Variants in RBP5 observed in about 807,000 individuals in gnomAD.
RBP5 encodes the protein retinol-binding protein 5.
RBP5 carries 12 observed loss-of-function variants against 17.8 expected under a neutral mutation model. That is an observed-to-expected ratio of 0.67 (90% CI 0.43 to 1.09). The LOEUF is 1.09. Ranked by LOEUF, RBP5 falls within the 50% of genes least tolerant of loss-of-function variation. The probability of loss-of-function intolerance (pLI) is 0.00; values close to 1 mark genes in which losing one functional copy is unlikely to be tolerated. For missense variants in RBP5, 172 were observed against 169.4 expected (o/e 1.02, Z -0.09); for synonymous variants, 64 against 68.1 (o/e 0.94, Z 0.30).
chr12:7,122,104 GT>G (rs1939089867), downstream of RBP5: 1 of 502 alleles, frequency 2.0e-3, no homozygotes, highest in African/African-American at 7.7e-3. Context: ...GTGTGTGTAT[GT>G]GTGTGTGTGT....
chr12:7,128,753 T>C lies in RBP5; in HGVS notation c.23A>G (p.Tyr8Cys). Residue 8 changes from tyrosine (Y) to cysteine (C), a missense_variant, in exon 1 of 4, where the codon TAC becomes TGC. Coordinates refer to ENST00000266560, the MANE Select transcript of RBP5 (RefSeq NM_031491.4). This position sits in a 1 kb window ranked among gnomAD's most constrained non-coding sequence, Gnocchi z 5.3. MPPNLTG[Y>C]YRFVSQKNME... is the part of the protein sequence containing the mutation. Reference sequence around the variant, plus strand: ...GTTCTTCTGCGAGACAAAGCGGTAGTAGCCAGTGAGGTTGGGAGGCATTGT... The same window carrying C: ...GTTCTTCTGCGAGACAAAGCGGTAGCAGCCAGTGAGGTTGGGAGGCATTGT... 6.2e-7 allele frequency: 1 copy of C among 1,605,280 alleles called. No individual in the cohort carries two copies. Among genetic ancestry groups the C allele is most frequent in the Non-Finnish European group, 8.5e-7 (1 of 1,175,856 alleles).
Position 7,128,830 on chromosome 12 carries a change from T to A in RBP5, c.-55A>T. ...GGAGACAGGGTGAGGAAGGAGGGGG[T>A]GTTGTCTGGCAGGTGAGGCTGAGAG... On this transcript the variant is annotated 5_prime_UTR_variant, in exon 1 of 4. Transcript: ENST00000266560. The surrounding 1 kb of genome is among the most constrained non-coding windows in gnomAD (Gnocchi z 5.3). The A allele has an allele frequency of 2.2e-6, 3 of 1,371,478 alleles. No homozygotes were observed. Among genetic ancestry groups the A allele is most frequent in the Non-Finnish European group, 3.1e-6 (3 of 981,132 alleles). 85.0% of individuals were successfully genotyped at this position (1,371,478 alleles called of 1,614,324 possible).
chr12:7,125,103 C>G (rs1031486850), intron 2 of RBP5, among the ~76,000 whole-genome samples: 3 of 152,146 alleles, frequency 2.0e-5, no homozygotes, highest in Admixed American at 2.0e-4. Flanking sequence ...GACAGGGTTT[C>G]TCCATGTTGG....
chr12:7,119,634 T>G (rs1215044078), downstream of RBP5: 1 of 154,868 alleles, frequency 6.5e-6, no homozygotes, highest in Non-Finnish European at 1.5e-5. Context: ...TGTCCTTAAC[T>G]GAAGAACACA....
At chr12:7,126,069 C>CAAAAA (rs34064255) in intron 2 of RBP5, among the ~76,000 whole-genome samples, 6 of 139,988 alleles carry the variant, frequency 4.3e-5, no homozygotes, top group East Asian at 2.1e-4. Flanking sequence ...CCACCTCTAC[C>CAAAAA]AAAAAAAAAA....
In RBP5 at chr12:7,128,488, C is replaced by A; in HGVS notation, c.74-70G>T. The stretch of plus-strand genomic sequence containing the variant: ...AGCTCCTCTGCCTGCAGCAGCCCCT[C>A]AGGGCTGTGAGTTTCCCTTCTTTGG... On this transcript the variant is annotated intron_variant, in intron 1 of 3. Transcript: ENST00000266560. The surrounding 1 kb of genome is among the most constrained non-coding windows in gnomAD (Gnocchi z 5.3). 1 of 1,505,042 alleles carries A rather than the reference C, an allele frequency of 6.6e-7. No individual in the cohort carries two copies. Among genetic ancestry groups the A allele is most frequent in the Admixed American group, 1.7e-5 (1 of 58,162 alleles). 93.2% of individuals were successfully genotyped at this position (1,505,042 alleles called of 1,614,324 possible). A position where few individuals can be genotyped will look rare whatever the true frequency, so the allele number is the denominator to read the frequency against.
At chr12:7,126,553 G>C (rs1939168571) in intron 2 of RBP5, among the ~76,000 whole-genome samples, 1 of 148,916 alleles carries the variant, frequency 6.7e-6, no homozygotes, top group African/African-American at 2.5e-5. Context: ...GTGTGTGTGT[G>C]TGTGTGCTGG....
chr12:7,128,385 A>G lies in RBP5; in HGVS notation c.107T>C (p.Leu36Pro), dbSNP rs762573429. The G allele has an allele frequency of 8.7e-6, 14 of 1,614,228 alleles. No homozygotes were observed. In the Middle Eastern group the frequency reaches 4.9e-4, roughly 57 times the overall value. The change falls in exon 2 of 4, where the codon CTG becomes CCG. Residue 36 changes from leucine to proline, a missense_variant. Leu to Pro is a moderately conservative substitution (Grantham distance 98). Transcript: ENST00000266560. The surrounding 1 kb of genome is among the most constrained non-coding windows in gnomAD (Gnocchi z 5.3). ...TTCGATCTCCTTGTCCGGCTTCAGC[A>G]GCAGCGCGATCTTCCGCACAGCCAA... ...ISLAVRKIALLLKPDKEIEHQ... is the reference protein window; with the variant it reads ...ISLAVRKIALPLKPDKEIEHQ...
downstream of RBP5, chr12:7,120,489 A>G (rs1439635088): frequency 1.3e-5 from 2 of 155,624 alleles, no homozygotes; most frequent in Non-Finnish European, 2.9e-5. Flanking sequence ...GGTCAGTTAT[A>G]TCACAGTCCT....
At chr12:7,120,774 C>G (rs144652015), downstream of RBP5, 287 of 153,424 alleles carry the variant, frequency 1.9e-3, 1 homozygote, top group African/African-American at 6.5e-3. Context: ...ACCTGTAATC[C>G]CAGCACTTTG....
At chr12:7,120,391 A>G (rs1180290464), downstream of RBP5, 1 of 155,114 alleles carries the variant, frequency 6.4e-6, no homozygotes, top group Non-Finnish European at 1.5e-5. Flanking sequence ...CTGGGCAGGC[A>G]GGGTTCTCTG....
Position 7,117,856 on chromosome 12 carries a change from T to C in RBP5, n.890-549A>G, listed in dbSNP as rs780390107. 6.6e-6 allele frequency: 1 copy of C among 152,266 alleles called. No individual in the cohort carries two copies. Among genetic ancestry groups the C allele is most frequent in the Admixed American group, 6.5e-5 (1 of 15,290 alleles). 9.4% of individuals were successfully genotyped at this position (152,266 alleles called of 1,614,324 possible). A position where few individuals can be genotyped will look rare whatever the true frequency, so the allele number is the denominator to read the frequency against. ...CAGATCTCAGATCTCCCACACCCTG[T>C]GGGCTCTGTGTGGACTTTCGTCCTG... On this transcript the variant is annotated intron_variant and non_coding_transcript_variant, in intron 3 of 3. Coordinates refer to the RBP5 transcript ENST00000619522. This position sits in a 1 kb window ranked among gnomAD's most constrained non-coding sequence, Gnocchi z 4.9.
Position 7,128,574 on chromosome 12 carries a change from T to G in RBP5, c.73+129A>C. On this transcript the variant is annotated intron_variant, in intron 1 of 3. Coordinates refer to ENST00000266560, the MANE Select transcript of RBP5 (RefSeq NM_031491.4). This position sits in a 1 kb window ranked among gnomAD's most constrained non-coding sequence, Gnocchi z 5.3. ...CCTGGTTAGAAATGGATCCCAGGTC[T>G]GGTGCCAGCCGCCTGAGCCTTTCCA... is the stretch of plus-strand genomic sequence containing the variant. 2.0e-5 allele frequency: 24 copies of G among 1,184,336 alleles called. No individual in the cohort carries two copies. The highest frequency in any genetic ancestry group is 2.9e-5 in the Non-Finnish European group (24 of 816,482). The allele number at this position is 1,184,336 out of a possible 1,614,324, so 73.4% of individuals were successfully genotyped here. A position where few individuals can be genotyped will look rare whatever the true frequency, so the allele number is the denominator to read the frequency against.
At position 7,128,332 on chromosome 12, in the gene RBP5, T is replaced by C; in HGVS notation, c.160A>G (p.Thr54Ala). The C allele has an allele frequency of 3.1e-6, 5 of 1,613,906 alleles. No homozygotes were observed. Among genetic ancestry groups the C allele is most frequent in the Non-Finnish European group, 4.2e-6 (5 of 1,179,942 alleles). ...GTGTAGTTTCGGAAGGTGCTGAGCG[T>C]CCTCACCGTCATGTGGTTGCCCTGG... is the stretch of plus-strand genomic sequence containing the variant. Reference protein sequence around the residue: ...EHQGNHMTVRTLSTFRNYTVQ... With the variant: ...EHQGNHMTVRALSTFRNYTVQ... The change falls in exon 2 of 4, where the codon ACG becomes GCG. Residue 54 changes from threonine to alanine, a missense_variant. Physicochemically the swap from Thr to Ala is moderately conservative, Grantham distance 58. Transcript: ENST00000266560. This position sits in a 1 kb window ranked among gnomAD's most constrained non-coding sequence, Gnocchi z 5.3.
At chr12:7,120,132 G>A (rs1939059709), downstream of RBP5, among the ~76,000 whole-genome samples, 1 of 152,104 alleles carries the variant, frequency 6.6e-6, no homozygotes, top group African/African-American at 2.4e-5. Context: ...GGTGGGGTAG[G>A]GGGAGGCAGG....
chr12:7,119,208 G>T (rs1002532909), downstream of RBP5, among the ~76,000 whole-genome samples: 1 of 145,078 alleles, frequency 6.9e-6, no homozygotes, highest in Non-Finnish European at 1.5e-5. Flanking sequence ...GGATGGGGGG[G>T]GGTCCCAAGG....
chr12:7,126,442 A>G (rs980550035), intron 2 of RBP5, among the ~76,000 whole-genome samples: 1 of 151,682 alleles, frequency 6.6e-6, no homozygotes, highest in Non-Finnish European at 1.5e-5. Flanking sequence ...AGCAGCTGCT[A>G]TACTGGGTAA....
intron 2 of RBP5, chr12:7,127,803 T>C (rs891051808): frequency 8.8e-6 from 6 of 679,344 alleles, no homozygotes; most frequent in Non-Finnish European, 1.3e-5. Context: ...AACAAAACTC[T>C]GCGGAGAAAA....
chr12:7,119,981 C>T (rs1036787863), downstream of RBP5, among the ~76,000 whole-genome samples: 1 of 152,148 alleles, frequency 6.6e-6, no homozygotes. Flanking sequence ...GTGATTTGTC[C>T]ATGAACCCAA....
Sources: allele counts gnomAD v4.1 joint callset (sites outside exome capture counted in the v4.1 genomes callset), GRCh38; gene constraint gnomAD v4.1.1; non-coding constraint Gnocchi (gnomAD v3.1); transcripts MANE v1.5; gene names NCBI Gene and HGNC (gene_info 2026-07-23, HGNC 2026-07-21).